Variants in ANO1 observed in about 807,000 individuals in gnomAD.
ANO1 encodes the protein anoctamin 1.
ANO1 carries 59 observed loss-of-function variants against 124.0 expected under a neutral mutation model. The observed-to-expected ratio is 0.48, with a 90% CI of 0.39 to 0.59. ANO1 has a LOEUF of 0.59. Among genes scored for constraint, ANO1 ranks in the 20% least tolerant of loss-of-function variants. The pLI, the probability that ANO1 is intolerant of heterozygous loss-of-function variation, is 0.00. For missense variants in ANO1, 1,059 were observed against 1,328.0 expected (o/e 0.80, Z 3.15); for synonymous variants, 529 against 532.0 (o/e 0.99, Z 0.08).
intron 2 of ANO1, among the ~76,000 whole-genome samples, chr11:70,095,289 AAGG>A (rs2044829284): frequency 2.9e-5 from 3 of 102,018 alleles, no homozygotes; most frequent in African/African-American, 1.2e-4. Context: ...GGAAGGAAGG[AAGG>A]AAGGAAGGAA....
the ANO1 span, among the ~76,000 whole-genome samples, chr11:69,975,087 G>A: frequency 2.8e-4 from 42 of 152,118 alleles, no homozygotes; most frequent in Non-Finnish European, 5.1e-4. Context: ...ACAACCGCAC[G>A]TGGCTACCAT....
chr11:70,000,518 G>C (rs782769471), intron 1 of ANO1, among the ~76,000 whole-genome samples: 8 of 152,078 alleles, frequency 5.3e-5, no homozygotes, highest in African/African-American at 1.9e-4. Flanking sequence ...ATGAGATACC[G>C]AGCTTTGGCA....
chr11:70,167,203 C>T, intron 20 of ANO1, 39 bp from the exon 21 acceptor site: 1 of 1,606,122 alleles, frequency 6.2e-7, no homozygotes, highest in South Asian at 1.1e-5. Context: ...CCAAATTCAC[C>T]CTCCTGCAAA....
At chr11:70,142,712 C>A (rs1278320709) in intron 11 of ANO1, among the ~76,000 whole-genome samples, 2 of 152,226 alleles carry the variant, frequency 1.3e-5, no homozygotes, top group Non-Finnish European at 2.9e-5. Flanking sequence ...GTGCCTGCAA[C>A]AACAGGCATG....
At chr11:69,967,830 G>T in the ANO1 span, among the ~76,000 whole-genome samples, 33 of 152,352 alleles carry the variant, frequency 2.2e-4, no homozygotes, top group Admixed American at 1.3e-3. Flanking sequence ...AGAATTCAGA[G>T]TCCTAGCCCG....
At chr11:70,163,636 G>T in intron 19 of ANO1, 1 of 592,244 alleles carries the variant, frequency 1.7e-6, no homozygotes, top group Non-Finnish European at 3.0e-6. Context: ...TTCTCTTCTG[G>T]TTAAGATGAA....
chr11:70,019,916 C>A (rs1565162410), intron 1 of ANO1, among the ~76,000 whole-genome samples: 2 of 152,248 alleles, frequency 1.3e-5, no homozygotes, highest in South Asian at 4.1e-4. Context: ...CAGCCCCAGG[C>A]TGAGGCCTCG....
chr11:70,137,229 C>T (rs894032894), intron 11 of ANO1, among the ~76,000 whole-genome samples: 2 of 146,612 alleles, frequency 1.4e-5, no homozygotes, highest in South Asian at 2.4e-4. Flanking sequence ...ACACTGTATC[C>T]GAACAGCGGA....
rs510663 is a variant in ANO1, at chr11:70,182,493, C to G, written c.2404-9C>G. 2 of 1,559,008 alleles carry G rather than the reference C, an allele frequency of 1.3e-6. No homozygotes were observed. The highest frequency in any genetic ancestry group is 2.4e-5 in the South Asian group (2 of 81,710). On this transcript the variant is annotated splice_polypyrimidine_tract_variant and intron_variant, in intron 23 of 25. Transcript: ENST00000355303. ...GGGGGTCCCCCTCACTGCCATGTCC[C>G]CTGCACAGGCCTTCGTGATCTCCTT...
chr11:70,140,636 C>T (rs1008886120), intron 11 of ANO1, among the ~76,000 whole-genome samples: 1 of 152,092 alleles, frequency 6.6e-6, no homozygotes, highest in South Asian at 2.1e-4. Context: ...CGTGCCTACC[C>T]TAGGTACAGT....
At chr11:70,163,818 A>T (rs1309447878) in intron 19 of ANO1, among the ~76,000 whole-genome samples, 1 of 151,976 alleles carries the variant, frequency 6.6e-6, no homozygotes, top group African/African-American at 2.4e-5. Context: ...CATGCCTGTA[A>T]TCCCACCTAC....
chr11:70,017,759 A>G (rs782038984), intron 1 of ANO1, among the ~76,000 whole-genome samples: 4 of 151,996 alleles, frequency 2.6e-5, no homozygotes, highest in African/African-American at 9.6e-5. Flanking sequence ...GGCTCAAGCA[A>G]TCCTCCCACC....
rs1312330251 is a variant in ANO1, at chr11:70,095,432, AAAAG to A, written c.441+7358_441+7361del. 3.6e-5 allele frequency among the ~76,000 whole-genome samples: 5 copies of A among 140,346 alleles called. No homozygotes were observed. In the East Asian group the frequency reaches 8.4e-4, roughly 24 times the overall value. 92.1% of individuals were successfully genotyped at this position (140,346 alleles called of 152,430 possible). ...AAAGAAAGAAAGAAAGAAAGAAAAG[AAAAG>A]AAAGAAAGAGGGAAAGAAAATTCAT... is the stretch of plus-strand genomic sequence containing the variant. On this transcript the variant is annotated intron_variant, in intron 2 of 25. Transcript: ENST00000355303.
chr11:70,137,165 C>T (rs972610290), intron 11 of ANO1, among the ~76,000 whole-genome samples: 1 of 147,254 alleles, frequency 6.8e-6, no homozygotes, highest in Non-Finnish European at 1.5e-5. Context: ...AATGTAGGGT[C>T]AGCAGCAGTC....
chr11:70,029,715 C>T (rs1856967994), intron 1 of ANO1, among the ~76,000 whole-genome samples: 1 of 152,228 alleles, frequency 6.6e-6, no homozygotes, highest in Non-Finnish European at 1.5e-5. Context: ...TCCCACGGTT[C>T]TGGAGGTGAG....
intron 11 of ANO1, among the ~76,000 whole-genome samples, chr11:70,132,467 AGGTCCCGG>A (rs2046796233): frequency 1.3e-5 from 2 of 152,172 alleles, no homozygotes; most frequent in African/African-American, 4.8e-5. Context: ...GACCTGGGCC[AGGTCCCGG>A]AGGCACCGTG....
At chr11:70,110,195 T>C (rs2045716412) in intron 6 of ANO1, among the ~76,000 whole-genome samples, 1 of 149,050 alleles carries the variant, frequency 6.7e-6, no homozygotes, top group Non-Finnish European at 1.5e-5. Flanking sequence ...TTTTTTTTTT[T>C]TTTTTTTTTT....
intron 24 of ANO1, among the ~76,000 whole-genome samples, chr11:70,182,986 G>A (rs1288042673): frequency 6.6e-6 from 1 of 152,152 alleles, no homozygotes; most frequent in Non-Finnish European, 1.5e-5. Context: ...GCACTCACCT[G>A]TAGTTCTAGC....
chr11:70,002,545 T>C (rs560385253), intron 1 of ANO1, among the ~76,000 whole-genome samples: 1 of 151,970 alleles, frequency 6.6e-6, no homozygotes, highest in African/African-American at 2.4e-5. Context: ...TGAAGGTTTG[T>C]AGCCTAGGAG....
Sources: gnomAD v4.1 joint callset for allele counts (sites outside exome capture counted in the v4.1 genomes callset) on GRCh38, gnomAD v4.1.1 for gene constraint, MANE v1.5 for transcripts, NCBI Gene and HGNC (gene_info 2026-07-23, HGNC 2026-07-21) for gene names.